Variants in CCDC171 observed in about 807,000 individuals in gnomAD.
The protein encoded by CCDC171 is coiled-coil domain containing 171, also known as coiled-coil domain-containing protein 171.
CCDC171 carries 177 observed loss-of-function variants against 168.2 expected under a neutral mutation model. That is an observed-to-expected ratio of 1.05 (90% CI 0.93 to 1.19). The LOEUF (loss-of-function observed/expected upper bound fraction) is 1.19. CCDC171 is among the 50% of genes most tolerant of loss of function. The pLI is 0.00. For synonymous variants in CCDC171, 687 were observed against 540.8 expected, an observed-to-expected ratio of 1.27 and a Z score of -3.75; for missense variants, 1,991 against 1,539.0, an observed-to-expected ratio of 1.29 and a Z score of -4.91.
intron 6 of CCDC171, among the ~76,000 whole-genome samples, chr9:16,032,929 G>T (rs1404574705): frequency 6.6e-6 from 1 of 152,180 alleles, no homozygotes; most frequent in Admixed American, 6.5e-5. Flanking sequence ...AGCTCTAAAA[G>T]CCTTCTGTCT....
At chr9:15,571,463 G>A (rs2040215539) in intron 2 of CCDC171, among the ~76,000 whole-genome samples, 161 bp from the exon 3 acceptor site, 1 of 151,946 alleles carries the variant, frequency 6.6e-6, no homozygotes, top group South Asian at 2.1e-4. Flanking sequence ...TTTCTACATA[G>A]CTTTTGCAGT....
intron 3 of CCDC171, among the ~76,000 whole-genome samples, chr9:15,983,832 G>GTGTGTGTC (rs1831889736): frequency 3.3e-5 from 5 of 150,376 alleles, no homozygotes; most frequent in African/African-American, 1.2e-4. Flanking sequence ...GTGTGTGTGT[G>GTGTGTGTC]TGTGTGTGTG....
chr9:15,690,877 G>C (rs1016117512), intron 10 of CCDC171, among the ~76,000 whole-genome samples: 2 of 152,122 alleles, frequency 1.3e-5, no homozygotes, highest in Admixed American at 6.6e-5. Context: ...CAGATGGCTA[G>C]TGAACATGAA....
At chr9:16,076,270 G>A in the CCDC171 span, among the ~76,000 whole-genome samples, 1 of 152,208 alleles carries the variant, frequency 6.6e-6, no homozygotes, top group Non-Finnish European at 1.5e-5. Context: ...ACGTGGGCAA[G>A]TGCAGAACTA....
chr9:15,562,799 G>A (rs2039415833), intron 1 of CCDC171, among the ~76,000 whole-genome samples: 1 of 152,098 alleles, frequency 6.6e-6, no homozygotes. Flanking sequence ...TTCCTTCTGG[G>A]TTCTAACTCT....
At chr9:16,083,082 CA>C in the CCDC171 span, among the ~76,000 whole-genome samples, 3 of 152,136 alleles carry the variant, frequency 2.0e-5, no homozygotes, top group Non-Finnish European at 2.9e-5. Context: ...AATTAGGTAT[CA>C]GGGGTTTTTA....
At position 15,709,899 on chromosome 9, in the gene CCDC171, C is replaced by T. The variant is rs745493016; in HGVS notation, c.1319-11870C>T. ...AGGAGGCAGAATAGTGTAACAAAAT[C>T]TGTTGCCCTCATCACTCAGATCAAC... On this transcript the variant is annotated intron_variant, in intron 11 of 25. Coordinates refer to ENST00000380701, the MANE Select transcript of CCDC171 (RefSeq NM_173550.4). Among the ~76,000 whole-genome samples the T allele has an allele frequency of 3.3e-5, 5 of 152,040 alleles. 1 individual carries two copies. The highest frequency in any genetic ancestry group is 7.4e-5 in the Non-Finnish European group (5 of 67,988).
chr9:15,561,408 G>A (rs967671872), intron 1 of CCDC171, among the ~76,000 whole-genome samples: 3 of 152,256 alleles, frequency 2.0e-5, no homozygotes, highest in South Asian at 4.1e-4. Flanking sequence ...GATTTTGATT[G>A]CATGTCATGA....
At chr9:15,611,482 G>A (rs1350538458) in intron 6 of CCDC171, among the ~76,000 whole-genome samples, 1 of 152,118 alleles carries the variant, frequency 6.6e-6, no homozygotes, top group Admixed American at 6.6e-5. Flanking sequence ...TCTTGGCCTG[G>A]TAGTTTCCCT....
At chr9:15,999,431 GGAGA>G (rs1344021523) in intron 3 of CCDC171, among the ~76,000 whole-genome samples, 1 of 150,874 alleles carries the variant, frequency 6.6e-6, no homozygotes, top group Non-Finnish European at 1.5e-5. Flanking sequence ...AGGGAGGGAG[GGAGA>G]GAGGTGAAAG....
intron 18 of CCDC171, 73 bp from the exon 19 acceptor site, chr9:15,777,527 T>C (rs2057391478): frequency 3.9e-6 from 3 of 766,870 alleles, no homozygotes; most frequent in Non-Finnish European, 6.3e-6. Flanking sequence ...ATTTTCATTA[T>C]GTGATTAGCA....
intron 6 of CCDC171, among the ~76,000 whole-genome samples, chr9:15,607,918 C>G (rs1297685457): frequency 2.0e-5 from 3 of 152,152 alleles, no homozygotes; most frequent in Non-Finnish European, 4.4e-5. Flanking sequence ...ATATATGAAG[C>G]TGGTTAATTT....
the CCDC171 span, among the ~76,000 whole-genome samples, chr9:16,085,639 C>A: frequency 6.6e-6 from 1 of 152,226 alleles, no homozygotes; most frequent in Admixed American, 6.5e-5. Flanking sequence ...AAATGTGTTT[C>A]CAGGTCCTCC....
At position 15,564,042 on chromosome 9, in the gene CCDC171, A is replaced by G. The variant is rs1207665718; in HGVS notation, c.-47A>G. 2.1e-6 allele frequency: 3 copies of G among 1,457,662 alleles called. No homozygotes were observed. Among genetic ancestry groups the G allele is most frequent in the Non-Finnish European group, 2.9e-6 (3 of 1,046,122 alleles). The allele number at this position is 1,457,662 out of a possible 1,614,324, so 90.3% of individuals were successfully genotyped here. A position where few individuals can be genotyped will look rare whatever the true frequency, so the allele number is the denominator to read the frequency against. ...CAATTTTAATCATCAAGAAAGAAAT[A>G]TGTCATTAAGAAATAGCAGGGTATT... On this transcript the variant is annotated 5_prime_UTR_variant, in exon 2 of 26. In the 5' UTR this introduces an upstream ATG that the reference lacks. Coordinates refer to ENST00000380701, the MANE Select transcript of CCDC171 (RefSeq NM_173550.4).
chr9:15,636,453 A>G (rs949774983), intron 7 of CCDC171, among the ~76,000 whole-genome samples: 1 of 152,226 alleles, frequency 6.6e-6, no homozygotes, highest in East Asian at 1.9e-4. Context: ...ATGGCTTACT[A>G]AAAAAGGATT....
At chr9:15,939,328 G>A (rs769958257) in intron 25 of CCDC171, among the ~76,000 whole-genome samples, 4 of 151,510 alleles carry the variant, frequency 2.6e-5, no homozygotes, top group Non-Finnish European at 5.9e-5. Context: ...TTCAGTTGTA[G>A]AAATATGGTA....
rs895290964 is a variant in CCDC171, at chr9:15,772,207, ATTGT to A, written c.2672-5390_2672-5387del. 1.2e-4 allele frequency among the ~76,000 whole-genome samples: 19 copies of A among 152,126 alleles called. 1 individual carries two copies. Among genetic ancestry groups the A allele is most frequent in the Admixed American group, 3.9e-4 (6 of 15,274 alleles). On this transcript the variant is annotated intron_variant, in intron 18 of 25. Coordinates refer to ENST00000380701, the MANE Select transcript of CCDC171 (RefSeq NM_173550.4). ...TATGCCATTAATAACACGTTAAATTATTGTTTAAGTTCGTGGATCGATCTATTTC... is the reference window on the plus strand; with the variant it reads ...TATGCCATTAATAACACGTTAAATTATTAAGTTCGTGGATCGATCTATTTC...
At chr9:15,750,065 A>T (rs973331870) in intron 18 of CCDC171, among the ~76,000 whole-genome samples, 5 of 152,014 alleles carry the variant, frequency 3.3e-5, no homozygotes, top group Non-Finnish European at 5.9e-5. Flanking sequence ...GATCAACAAA[A>T]TAGACTGCTA....
intron 24 of CCDC171, among the ~76,000 whole-genome samples, chr9:15,890,186 G>C (rs776635173): frequency 7.6e-5 from 10 of 132,424 alleles, no homozygotes; most frequent in Non-Finnish European, 1.0e-4. Context: ...TGAGGGGAAA[G>C]AGAGAATGTG....
Sources: gnomAD v4.1 joint callset for allele counts (sites outside exome capture counted in the v4.1 genomes callset) on GRCh38, gnomAD v4.1.1 for gene constraint, MANE v1.5 for transcripts, NCBI Gene and HGNC (gene_info 2026-07-23, HGNC 2026-07-21) for gene names.